MMP9: variants seen among roughly 807,000 people sequenced by gnomAD.
MMP9 encodes matrix metalloproteinase-9.
In MMP9, 73 loss-of-function variants were observed where a neutral mutation model predicts 76.4. The observed-to-expected ratio is 0.96, with a 90% CI of 0.79 to 1.16. The LOEUF (loss-of-function observed/expected upper bound fraction) is 1.16. MMP9 is among the 50% of genes most tolerant of loss of function. The pLI, the probability that MMP9 is intolerant of heterozygous loss-of-function variation, is 0.00. For missense variants in MMP9, 943 were observed against 973.0 expected, an observed-to-expected ratio of 0.97 and a Z score of 0.41; for synonymous variants, 412 against 408.4, an observed-to-expected ratio of 1.01 and a Z score of -0.11.
intron 2 of MMP9, 103 bp downstream of exon 2, chr20:46,010,201 A>G (rs932557527): frequency 6.3e-6 from 7 of 1,119,672 alleles, no homozygotes; most frequent in Non-Finnish European, 8.9e-6. Flanking sequence ...CCTGGGTTTC[A>G]CTATTTAATG....
rs2084291340 is a variant in MMP9 at position 46,012,719 on chromosome 20, G to T, written c.1330+137G>T. The T allele has an allele frequency of 3.0e-6, 4 of 1,311,554 alleles. No homozygotes were observed. The African/African-American group carries it at 5.8e-5, about 19-fold the overall frequency. 81.2% of individuals were successfully genotyped at this position (1,311,554 alleles called of 1,614,324 possible). ...GGACCTCAACGTCTGTCTGGAAGCA[G>T]AGCCTGGGCCCAGTCGCTGCCATGT... is the stretch of plus-strand genomic sequence containing the variant. On this transcript the variant is annotated intron_variant, in intron 8 of 12. Transcript: ENST00000372330.
chr20:46,011,037 G>A lies in MMP9; in HGVS notation c.636G>A (p.Leu212=), dbSNP rs200146604. The change falls in exon 4 of 13, where the codon CTG becomes CTA. Residue 212 remains leucine (L), a synonymous_variant. Coordinates refer to ENST00000372330, the MANE Select transcript of MMP9 (RefSeq NM_004994.3). ...AHFDDDELWS[L]GKGVVVPTRF... ...TCGACGATGACGAGTTGTGGTCCCT[G>A]GGCAAGGGCGTCGGTGAGATTCTGA... 2.3e-5 allele frequency: 37 copies of A among 1,610,222 alleles called. No individual in the cohort carries two copies. The Middle Eastern group carries it at 1.2e-3, about 50-fold the overall frequency.
chr20:46,012,085 C>G, intron 6 of MMP9, 52 bp from the exon 7 acceptor site: 1 of 1,600,886 alleles, frequency 6.2e-7, no homozygotes. Flanking sequence ...CGGCCCCTGA[C>G]TCCTTATTGG....
Position 46,011,023 on chromosome 20 carries a change from G to T in MMP9, c.622G>T (p.Glu208Ter). ...IQGDAHFDDD[E>*]LWSLGKGVVV... ...GGGAGACGCCCATTTCGACGATGACGAGTTGTGGTCCCTGGGCAAGGGCGT... is the reference window on the plus strand; with the variant it reads ...GGGAGACGCCCATTTCGACGATGACTAGTTGTGGTCCCTGGGCAAGGGCGT... Residue 208 changes from glutamate to a stop codon, truncating the protein, a stop_gained, in exon 4 of 13, where the codon GAG becomes TAG. Coordinates refer to ENST00000372330, the MANE Select transcript of MMP9 (RefSeq NM_004994.3). LOFTEE classifies it high-confidence loss of function. 6.2e-7 allele frequency: 1 copy of T among 1,610,338 alleles called. No homozygotes were observed. Among genetic ancestry groups the T allele is most frequent in the Non-Finnish European group, 8.5e-7 (1 of 1,177,644 alleles).
At position 46,014,210 on chromosome 20, in the gene MMP9, G is replaced by C. The variant is rs1319203113; in HGVS notation, c.1837G>C (p.Val613Leu). 2 of 1,538,294 alleles carry C rather than the reference G, an allele frequency of 1.3e-6. No homozygotes were observed. The highest frequency in any genetic ancestry group is 2.7e-5 in the African/African-American group (2 of 72,904). The change falls in exon 11 of 13, where the codon GTG becomes CTG. Residue 613 changes from valine to leucine, a missense_variant. Val to Leu is a conservative substitution (Grantham distance 32). Coordinates refer to ENST00000372330, the MANE Select transcript of MMP9 (RefSeq NM_004994.3). ...KLGLGADVAQ[V>L]TGALRSGRGK... ...GGGCCTGGGAGCCGACGTGGCCCAG[G>C]TGACCGGGGCCCTCCGGAGTGGCAG...
Position 46,014,453 on chromosome 20 carries a change from C to T in MMP9, c.1984C>T (p.His662Tyr), listed in dbSNP as rs1319874415. The T allele has an allele frequency of 6.4e-7, 1 of 1,550,532 alleles. No individual in the cohort carries two copies. The highest frequency in any genetic ancestry group is 8.7e-7 in the Non-Finnish European group (1 of 1,146,976). ...RMFPGVPLDT[H>Y]DVFQYREKAY... Reference sequence around the variant, plus strand: ...GTTCCCCGGGGTGCCTTTGGACACGCACGACGTCTTCCAGTACCGAGGTGA... The same window carrying T: ...GTTCCCCGGGGTGCCTTTGGACACGTACGACGTCTTCCAGTACCGAGGTGA... Residue 662 changes from histidine to tyrosine, a missense_variant, in exon 12 of 13, where the codon CAC becomes TAC. His to Tyr is a moderately conservative substitution (Grantham distance 83). Transcript: ENST00000372330.
chr20:46,010,039 G>T lies in MMP9; in HGVS notation c.312G>T (p.Leu104=), dbSNP rs1275316607. 6.4e-7 allele frequency: 1 copy of T among 1,551,436 alleles called. No homozygotes were observed. Among genetic ancestry groups the T allele is most frequent in the Non-Finnish European group, 8.7e-7 (1 of 1,146,976 alleles). The part of the protein sequence containing the change: ...MRTPRCGVPD[L]GRFQTFEGDL... ...CCCCACGGTGCGGGGTCCCAGACCT[G>T]GGCAGATTCCAAACCTTTGAGGGCG... is the stretch of plus-strand genomic sequence containing the variant. The change falls in exon 2 of 13, where the codon CTG becomes CTT. Residue 104 remains leucine (L), a synonymous_variant. Transcript: ENST00000372330.
intron 2 of MMP9, among the ~76,000 whole-genome samples, 154 bp from the exon 3 acceptor site, chr20:46,010,321 CAAAAAAAA>C (rs58031394): frequency 1.6e-5 from 1 of 62,504 alleles, no homozygotes; most frequent in African/African-American, 8.7e-5. Flanking sequence ...TCTAAGTAGA[CAAAAAAAA>C]AAAAAAAAAA....
In MMP9 at chr20:46,009,988, T is replaced by G. The variant is rs764040727; in HGVS notation, c.261T>G (p.Asp87Glu). 6.4e-7 allele frequency: 1 copy of G among 1,551,722 alleles called. No individual in the cohort carries two copies. The highest frequency in any genetic ancestry group is 1.2e-5 in the South Asian group (1 of 84,064). ...QLSLPETGEL[D>E]SATLKAMRTP... ...CCCTGCCCGAGACCGGTGAGCTGGA[T>G]AGCGCCACGCTGAAGGCCATGCGAA... is the stretch of plus-strand genomic sequence containing the variant. Residue 87 changes from aspartate (D) to glutamate (E), a missense_variant, in exon 2 of 13, where the codon GAT becomes GAG. Transcript: ENST00000372330.
Position 46,013,544 on chromosome 20 carries a change from C to T in MMP9, c.1610+10C>T, listed in dbSNP as rs1158709391. On this transcript the variant is annotated intron_variant, in intron 9 of 12. Transcript: ENST00000372330. This position sits in a 1 kb window ranked among gnomAD's most constrained non-coding sequence, Gnocchi z 4.5. Reference sequence around the variant, plus strand: ...ATTTGTTCAAGGATGGGTGAGGAGGCGGGGTTGTGTGGATGCGGGAGGGGG... The same window carrying T: ...ATTTGTTCAAGGATGGGTGAGGAGGTGGGGTTGTGTGGATGCGGGAGGGGG... 6.8e-6 allele frequency: 11 copies of T among 1,613,202 alleles called. No individual in the cohort carries two copies. The highest frequency in any genetic ancestry group is 2.7e-5 in the African/African-American group (2 of 74,938).
At position 46,010,580 on chromosome 20, in the gene MMP9, A is replaced by C; in HGVS notation, c.469A>C (p.Thr157Pro). 2 of 1,613,876 alleles carry C rather than the reference A, an allele frequency of 1.2e-6. No individual in the cohort carries two copies. Among genetic ancestry groups the C allele is most frequent in the Non-Finnish European group, 1.7e-6 (2 of 1,179,950 alleles). Residue 157 changes from threonine to proline, a missense_variant, in exon 3 of 13, where the codon ACT (threonine) becomes CCT (proline). Coordinates refer to ENST00000372330, the MANE Select transcript of MMP9 (RefSeq NM_004994.3). Reference protein sequence around the residue: ...LWSAVTPLTFTRVYSRDADIV... With the variant: ...LWSAVTPLTFPRVYSRDADIV... The stretch of plus-strand genomic sequence containing the variant: ...GAGCGCGGTGACGCCGCTCACCTTC[A>C]CTCGCGTGTACAGCCGGGACGCAGA...
rs761724001 is a variant in MMP9 at position 46,012,525 on chromosome 20, T to C, written c.1273T>C (p.Phe425Leu). ...PEALMYPMYRFTEGPPLHKDD... is the reference protein window; with the variant it reads ...PEALMYPMYRLTEGPPLHKDD... ...GGCGCTCATGTACCCTATGTACCGC[T>C]TCACTGAGGGGCCCCCCTTGCATAA... The change falls in exon 8 of 13, where the codon TTC (phenylalanine) becomes CTC (leucine). Residue 425 changes from phenylalanine to leucine, a missense_variant. Phe to Leu is a conservative substitution (Grantham distance 22). Coordinates refer to ENST00000372330, the MANE Select transcript of MMP9 (RefSeq NM_004994.3). The C allele has an allele frequency of 3.1e-6, 5 of 1,613,956 alleles. No individual in the cohort carries two copies. The highest frequency in any genetic ancestry group is 4.2e-6 in the Non-Finnish European group (5 of 1,179,856).
At chr20:46,010,456 C>T (rs768513327) in intron 2 of MMP9, 27 bp from the exon 3 acceptor site, 9 of 1,613,290 alleles carry the variant, frequency 5.6e-6, no homozygotes, top group South Asian at 5.5e-5. Context: ...CACTTCTGAC[C>T]TCCTTCCTCT....
chr20:46,015,570 C>T (rs1185996490), intron 12 of MMP9, among the ~76,000 whole-genome samples: 9 of 151,722 alleles, frequency 5.9e-5, no homozygotes, highest in African/African-American at 2.2e-4. Flanking sequence ...CCTGCCTCAG[C>T]CTCCCAAGTA....
Position 46,014,479 on chromosome 20 carries a change from G to A in MMP9, c.2005+5G>A. ...ACGACGTCTTCCAGTACCGAGGTGA[G>A]GGCTGAGGAGGATCCCTTCGTGAGA... is the stretch of plus-strand genomic sequence containing the variant. On this transcript the variant is annotated splice_donor_5th_base_variant and intron_variant, in intron 12 of 12. Transcript: ENST00000372330. 1.9e-6 allele frequency: 3 copies of A among 1,549,324 alleles called. No homozygotes were observed. The highest frequency in any genetic ancestry group is 3.3e-4 in the Middle Eastern group (2 of 5,992).
At chr20:46,015,431 ATTTTCTTTTT>A (rs1433588206) in intron 12 of MMP9, among the ~76,000 whole-genome samples, 15 of 143,080 alleles carry the variant, frequency 1.0e-4, no homozygotes, top group Admixed American at 3.5e-4. Flanking sequence ...AGCTTTCTAT[ATTTTCTTTTT>A]TTTTCTTTTT....
rs201130620 is a variant in MMP9, at chr20:46,011,643, C to G, written c.893C>G (p.Ser298Cys). Residue 298 changes from serine to cysteine, a missense_variant, in exon 6 of 13, where the codon TCC becomes TGC. Coordinates refer to ENST00000372330, the MANE Select transcript of MMP9 (RefSeq NM_004994.3). The part of the protein sequence containing the change: ...CQFPFIFQGQ[S>C]YSACTTDGRS... ...TTTCCATTCATCTTCCAAGGCCAAT[C>G]CTACTCCGCCTGCACCACGGACGGT... 60 of 1,613,938 alleles carry G rather than the reference C, an allele frequency of 3.7e-5. No homozygotes were observed. In the South Asian group the frequency reaches 6.3e-4, roughly 17 times the overall value.
intron 12 of MMP9, chr20:46,014,841 G>C (rs1390565841): frequency 7.4e-6 from 2 of 268,744 alleles, no homozygotes; most frequent in Admixed American, 5.0e-5. Context: ...GCAAGTCACT[G>C]CTTCTCTACT....
intron 2 of MMP9, 105 bp from the exon 3 acceptor site, chr20:46,010,378 G>T: frequency 1.7e-6 from 2 of 1,174,270 alleles, no homozygotes; most frequent in Non-Finnish European, 1.3e-6. Context: ...AGCGTGGACG[G>T]CAGAGAGCAT....
Sources: allele counts gnomAD v4.1 joint callset (sites outside exome capture counted in the v4.1 genomes callset), GRCh38; gene constraint gnomAD v4.1.1; non-coding constraint Gnocchi (gnomAD v3.1); transcripts MANE v1.5; gene names NCBI Gene and HGNC (gene_info 2026-07-23, HGNC 2026-07-21).